SLC15A1: variants seen among roughly 807,000 people sequenced by gnomAD.
SLC15A1 encodes Caco-2 oligopeptide transporter.
In SLC15A1, 83 loss-of-function variants were observed where a neutral mutation model predicts 92.9. The observed-to-expected ratio is 0.89, with a 90% confidence interval of 0.75 to 1.07. The LOEUF is 1.07. Ranked by LOEUF, SLC15A1 falls within the 50% of genes least tolerant of loss-of-function variation. SLC15A1 has a pLI of 0.00. For missense variants in SLC15A1, 857 were observed against 880.1 expected (o/e 0.97, Z 0.33); for synonymous variants, 322 against 318.2 (o/e 1.01, Z -0.13).
chr13:98,703,539 CTTTTTTTTTTTTTTTTTTTT>C (rs771426478), intron 17 of SLC15A1, among the ~76,000 whole-genome samples: 169 of 85,532 alleles, frequency 2.0e-3, no homozygotes, highest in Non-Finnish European at 2.1e-3. Context: ...GCTGCTGCTG[CTTTTTTTTTTTTTTTTTTTT>C]TTTTTTTTTT....
chr13:98,719,727 A>G (rs1213831402), intron 7 of SLC15A1, among the ~76,000 whole-genome samples: 5 of 152,228 alleles, frequency 3.3e-5, no homozygotes, highest in Non-Finnish European at 5.9e-5. Flanking sequence ...TCGATGACCT[A>G]GGGCAGGGGT....
At chr13:98,730,316 C>T (rs1463531796) in intron 1 of SLC15A1, among the ~76,000 whole-genome samples, 3 of 148,820 alleles carry the variant, frequency 2.0e-5, no homozygotes, top group African/African-American at 7.5e-5. Flanking sequence ...ATTTTAGATG[C>T]TCTTTTTAGT....
At chr13:98,744,615 G>A (rs1232546278) in intron 1 of SLC15A1, among the ~76,000 whole-genome samples, 1 of 151,874 alleles carries the variant, frequency 6.6e-6, no homozygotes, top group Non-Finnish European at 1.5e-5. Context: ...CGGGCGTGGT[G>A]GCATGTGCCT....
rs569844210 is a variant in SLC15A1, at chr13:98,717,939, C to T, written c.640+1298G>A. ...ACATCCAAGCATCCCATGTAGAAAA[C>T]GCCACCTTTCCTAAAAGCCAATGCC... On this transcript the variant is annotated intron_variant, in intron 8 of 22. Transcript: ENST00000376503. Among the ~76,000 whole-genome samples, 259 of 152,172 alleles carry T rather than the reference C, an allele frequency of 1.7e-3. 2 individuals carry two copies. Among genetic ancestry groups the T allele is most frequent in the African/African-American group, 5.6e-3 (232 of 41,506 alleles).
intron 18 of SLC15A1, among the ~76,000 whole-genome samples, chr13:98,691,528 G>A (rs1177659618): frequency 6.6e-6 from 1 of 152,166 alleles, no homozygotes; most frequent in Non-Finnish European, 1.5e-5. Flanking sequence ...CATTTGGCAG[G>A]CTTCCAAATC....
chr13:98,706,249 G>C lies in SLC15A1; in HGVS notation c.1154C>G (p.Thr385Ser). ...AAIVQVEIDKTLPVFPKGNEV... is the reference protein window; with the variant it reads ...AAIVQVEIDKSLPVFPKGNEV... The stretch of plus-strand genomic sequence containing the variant: ...GTTTCCTTTGGGGAAGACTGGAAGA[G>C]TTTTCTGAGCAAAATAAAAGAAAAT... Residue 385 changes from threonine to serine, a missense_variant, in exon 16 of 23, where the codon ACT (threonine) becomes AGT (serine). By Grantham distance (58) the Thr-to-Ser change is moderately conservative (BLOSUM62 1). Coordinates refer to ENST00000376503, the MANE Select transcript of SLC15A1 (RefSeq NM_005073.4). 1 of 1,611,888 alleles carries C rather than the reference G, an allele frequency of 6.2e-7. No homozygotes were observed. The highest frequency in any genetic ancestry group is 8.5e-7 in the Non-Finnish European group (1 of 1,179,320).
At chr13:98,721,967 C>T in intron 5 of SLC15A1, 64 bp from the exon 6 acceptor site, 3 of 1,374,300 alleles carry the variant, frequency 2.2e-6, no homozygotes, top group Non-Finnish European at 3.0e-6. Context: ...CCTCTCTTTT[C>T]CCCAGTTTCC....
chr13:98,719,241 G>A lies in SLC15A1; in HGVS notation c.636C>T (p.Ala212=). The change falls in exon 8 of 23, where the codon GCC becomes GCT. Residue 212 remains alanine (A), a synonymous_variant. Transcript: ENST00000376503. ...ATTCAACCGATTTCCACTTACTCAG[G>A]GCTACAGCCATGAGAGCAGCAGGAA... The part of the protein sequence containing the change: ...FGVPAALMAV[A]LIVFVLGSGM... 1 of 1,612,248 alleles carries A rather than the reference G, an allele frequency of 6.2e-7. No homozygotes were observed. Among genetic ancestry groups the A allele is most frequent in the Non-Finnish European group, 8.5e-7 (1 of 1,178,448 alleles).
chr13:98,712,877 C>T (rs1399483943), intron 9 of SLC15A1, among the ~76,000 whole-genome samples: 2 of 152,042 alleles, frequency 1.3e-5, no homozygotes, highest in Non-Finnish European at 2.9e-5. Flanking sequence ...TTTCTAGTAG[C>T]CAGCTTAAAA....
chr13:98,720,107 A>G (rs6491442), intron 7 of SLC15A1, among the ~76,000 whole-genome samples: 9,162 of 152,280 alleles, frequency 0.06, 416 homozygotes, highest in East Asian at 0.14. Context: ...CTATCTCACA[A>G]TTCGGGAGAG....
At chr13:98,726,814 A>T (rs750626403) in intron 2 of SLC15A1, 29 bp downstream of exon 2, 1 of 1,605,154 alleles carries the variant, frequency 6.2e-7, no homozygotes, top group Admixed American at 1.7e-5. Context: ...CAAGATGAAG[A>T]TATGTAGAGA....
chr13:98,750,754 C>CTT (rs375828538), intron 1 of SLC15A1, among the ~76,000 whole-genome samples: 17 of 141,818 alleles, frequency 1.2e-4, no homozygotes, highest in East Asian at 4.1e-4. Flanking sequence ...AAGATCTGTT[C>CTT]TTTTTTTTTT....
intron 18 of SLC15A1, among the ~76,000 whole-genome samples, chr13:98,698,648 G>A (rs2088042570): frequency 6.6e-6 from 1 of 152,096 alleles, no homozygotes; most frequent in African/African-American, 2.4e-5. Flanking sequence ...TGTTGACCAG[G>A]CTGGTCTTGA....
chr13:98,724,505 T>TA (rs1280069494), intron 4 of SLC15A1, among the ~76,000 whole-genome samples: 18 of 151,642 alleles, frequency 1.2e-4, no homozygotes, highest in African/African-American at 2.9e-4. Flanking sequence ...CCCTGTCTCT[T>TA]AAAAAAAAAT....
intron 8 of SLC15A1, among the ~76,000 whole-genome samples, chr13:98,718,018 G>A (rs772582881): frequency 5.3e-5 from 8 of 151,888 alleles, no homozygotes; most frequent in Non-Finnish European, 1.0e-4. Flanking sequence ...TCTGTCCAGT[G>A]GGAAAGAATT....
At chr13:98,736,199 T>C (rs1594008054) in intron 1 of SLC15A1, among the ~76,000 whole-genome samples, 1 of 152,206 alleles carries the variant, frequency 6.6e-6, no homozygotes, top group Non-Finnish European at 1.5e-5. Context: ...ACATCTGCAA[T>C]CATCTGATCT....
At chr13:98,710,826 A>G (rs934702182) in intron 11 of SLC15A1, among the ~76,000 whole-genome samples, 4 of 151,510 alleles carry the variant, frequency 2.6e-5, no homozygotes, top group African/African-American at 7.3e-5. Flanking sequence ...AAAAAAAAAA[A>G]AAAAAAGAAA....
chr13:98,721,463 A>T, intron 7 of SLC15A1, 32 bp downstream of exon 7: 1 of 1,493,676 alleles, frequency 6.7e-7, no homozygotes, highest in South Asian at 1.1e-5. Context: ...CTAAAAAAAG[A>T]CCAACAGAAG....
At position 98,726,449 on chromosome 13, in the gene SLC15A1, T is replaced by C. The variant is rs368264683; in HGVS notation, c.22A>G (p.Ser8Gly). 21 of 1,613,152 alleles carry C rather than the reference T, an allele frequency of 1.3e-5. No individual in the cohort carries two copies. Among genetic ancestry groups the C allele is most frequent in the Non-Finnish European group, 1.7e-5 (20 of 1,179,616 alleles). MGMSKSH[S>G]FFGYPLSIFF... ...ATGCTCAGGGGATAACCAAAGAAAC[T>C]CTGACAAAAAAGAAACAAGCACAGG... Residue 8 changes from serine (S) to glycine (G), a missense_variant and splice_region_variant, in exon 3 of 23, where the codon AGT (serine) becomes GGT (glycine). Physicochemically the swap from Ser to Gly is moderately conservative, Grantham distance 56 (BLOSUM62 0). Transcript: ENST00000376503.
Sources: gnomAD v4.1 joint callset for allele counts (sites outside exome capture counted in the v4.1 genomes callset) on GRCh38, gnomAD v4.1.1 for gene constraint, MANE v1.5 for transcripts, NCBI Gene and HGNC (gene_info 2026-07-23, HGNC 2026-07-21) for gene names.